The following TTN variants were observed in gnomAD, a reference collection of about 807,000 sequenced individuals.
TTN encodes connectin.
In TTN, 1,525 loss-of-function variants were observed where a neutral mutation model predicts 3,223.0. The ratio of observed to expected loss-of-function variants is 0.47; its 90% CI spans 0.45 to 0.49. TTN has a LOEUF of 0.49. TTN is among the 20% of genes least tolerant of loss of function. The pLI is 0.00. For missense variants in TTN, 40,786 were observed against 43,424.0 expected (o/e 0.94, Z 5.40); for synonymous variants, 14,094 against 15,161.0 (o/e 0.93, Z 5.17).
rs1413235901 is a variant in TTN, at chr2:178,611,102, A to G, written c.51027T>C (p.Ser17009=). 6.2e-7 allele frequency: 1 copy of G among 1,612,880 alleles called. No homozygotes were observed. The highest frequency in any genetic ancestry group is 8.5e-7 in the Non-Finnish European group (1 of 1,179,236). ...DRLTMKNDHI[S]AHLEVPKSVR... ...CACTCTTGGGAACTTCAAGGTGTGCAGAGATGTGATCATTCTTCATTGTTA... is the reference window on the plus strand; with the variant it reads ...CACTCTTGGGAACTTCAAGGTGTGCGGAGATGTGATCATTCTTCATTGTTA... Residue 17009 remains serine (S), a synonymous_variant, in exon 270 of 363, where the codon TCT becomes TCC. Coordinates refer to ENST00000589042, the MANE Select transcript of TTN (RefSeq NM_001267550.2).
chr2:178,802,032 A>T, intron 3 of TTN, 106 bp downstream of exon 3: 1 of 1,375,182 alleles, frequency 7.3e-7, no homozygotes, highest in Non-Finnish European at 1.0e-6. Flanking sequence ...TCTGTAGTTT[A>T]AGAGCTGCAT....
At chr2:178,708,993 T>A (rs1181277586) in intron 99 of TTN, among the ~76,000 whole-genome samples, 2 of 152,220 alleles carry the variant, frequency 1.3e-5, no homozygotes, top group African/African-American at 4.8e-5. Flanking sequence ...ATTGTGTATT[T>A]AAATATGTCT....
chr2:178,527,299 G>A lies in TTN; in HGVS notation c.107689C>T (p.Pro35897Ser), dbSNP rs1270719592. The A allele has an allele frequency of 1.3e-6, 2 of 1,591,624 alleles. No individual in the cohort carries two copies. The highest frequency in any genetic ancestry group is 4.5e-5 in the East Asian group (2 of 44,564). ...MLKAGIRGIP[P>S]KIEALPSDIS... ...TCAGATGGAAGAGCTTCAATTTTAGGCGGAATTCCTTTATGGAACAATGAC... is the reference window on the plus strand; with the variant it reads ...TCAGATGGAAGAGCTTCAATTTTAGACGGAATTCCTTTATGGAACAATGAC... The change falls in exon 363 of 363, where the codon CCT becomes TCT. Residue 35897 changes from proline to serine, a missense_variant. Pro to Ser is a moderately conservative substitution (Grantham distance 74). Coordinates refer to ENST00000589042, the MANE Select transcript of TTN (RefSeq NM_001267550.2).
At position 178,561,685 on chromosome 2, in the gene TTN, C is replaced by T. The variant is rs1260607694; in HGVS notation, c.84447G>A (p.Glu28149=). The change falls in exon 326 of 363, where the codon GAG becomes GAA. Residue 28149 remains glutamate, a synonymous_variant. Coordinates refer to ENST00000589042, the MANE Select transcript of TTN (RefSeq NM_001267550.2). ...GAGGACCTGGGGGACTGAATGGATA[C>T]TCTGCAACAACAGCTGAAGATTCAC... The part of the protein sequence containing the change: ...SYSESSAVVA[E]YPFSPPGPPG... The T allele has an allele frequency of 1.2e-6, 2 of 1,607,188 alleles. No individual in the cohort carries two copies. The highest frequency in any genetic ancestry group is 1.7e-6 in the Non-Finnish European group (2 of 1,175,714).
chr2:178,779,972 T>G (rs753453676), intron 22 of TTN, 28 bp downstream of exon 22: 79 of 1,597,104 alleles, frequency 4.9e-5, no homozygotes, highest in South Asian at 6.7e-5. Context: ...TATGAAATTG[T>G]TTGGTTGGTC....
rs1298535121 is a variant in TTN, at chr2:178,587,522, C to T, written c.63787G>A (p.Val21263Ile). 1.2e-6 allele frequency: 2 copies of T among 1,609,160 alleles called. No homozygotes were observed. The highest frequency in any genetic ancestry group is 1.1e-5 in the South Asian group (1 of 90,580). ...GEKAVFVNVR[V>I]LDTPGPVSDL... The stretch of plus-strand genomic sequence containing the variant: ...AAGCATTTTAGTAACCCACCTAATA[C>T]TCTGACATTTACGAATACAGCCTTT... Residue 21263 changes from valine (V) to isoleucine (I), a missense_variant, in exon 306 of 363, where the codon GTA (valine) becomes ATA (isoleucine). Coordinates refer to ENST00000589042, the MANE Select transcript of TTN (RefSeq NM_001267550.2).
At position 178,652,471 on chromosome 2, in the gene TTN, G is replaced by C. The variant is rs1342916323; in HGVS notation, c.39114C>G (p.Val13038=). ...VPAAPPKKPE[V]TPVKVPEAPK... ...AGTGACAAATACCTTTAACAGGTGT[G>C]ACTTCAGGCTTTTTAGGAGGAGCCG... Residue 13038 remains valine, a synonymous_variant, in exon 202 of 363, where the codon GTC becomes GTG. Transcript: ENST00000589042. 6.2e-7 allele frequency: 1 copy of C among 1,612,080 alleles called. No individual in the cohort carries two copies. The highest frequency in any genetic ancestry group is 8.5e-7 in the Non-Finnish European group (1 of 1,179,158).
In TTN at chr2:178,578,047, A is replaced by G. The variant is rs770040120; in HGVS notation, c.68468T>C (p.Leu22823Ser). 6.2e-7 allele frequency: 1 copy of G among 1,613,254 alleles called. No individual in the cohort carries two copies. The highest frequency in any genetic ancestry group is 8.5e-7 in the Non-Finnish European group (1 of 1,179,488). The change falls in exon 322 of 363, where the codon TTA becomes TCA. Residue 22823 changes from leucine to serine, a missense_variant. Leu to Ser is a moderately radical substitution (Grantham distance 145). Transcript: ENST00000589042. ...TAGGCTTGGCTTGCCCACACCTGCT[A>G]AATTGATTGCCATAACTCGGAATTC... is the stretch of plus-strand genomic sequence containing the variant. ...EYEFRVMAINLAGVGKPSLPS... is the reference protein window; with the variant it reads ...EYEFRVMAINSAGVGKPSLPS...
At chr2:178,690,130 T>C (rs921759829) in intron 121 of TTN, among the ~76,000 whole-genome samples, 13 of 152,210 alleles carry the variant, frequency 8.5e-5, no homozygotes, top group African/African-American at 2.4e-5. Context: ...GTAACAAAGT[T>C]GTGCACAGAA....
At chr2:178,734,145 C>T (rs1353667845) in intron 52 of TTN, among the ~76,000 whole-genome samples, 183 bp downstream of exon 52, 3 of 151,824 alleles carry the variant, frequency 2.0e-5, no homozygotes, top group Non-Finnish European at 4.4e-5. Context: ...TAGATATTTA[C>T]ACTAGTCTCG....
intron 209 of TTN, 133 bp from the exon 210 acceptor site, chr2:178,650,404 G>T: frequency 1.1e-6 from 1 of 941,446 alleles, no homozygotes; most frequent in Non-Finnish European, 1.6e-6. Flanking sequence ...TTTTTGTTTA[G>T]ATAAAATCTA....
chr2:178,683,972 T>A, intron 133 of TTN, 27 bp downstream of exon 133: 1 of 1,523,028 alleles, frequency 6.6e-7, no homozygotes, highest in Middle Eastern at 1.8e-4. Flanking sequence ...ATTTTGATTT[T>A]TTTTTTTTTT....
chr2:178,616,336 G>A lies in TTN; in HGVS notation c.48312+143C>T, dbSNP rs72677239. On this transcript the variant is annotated intron_variant, in intron 257 of 362. Transcript: ENST00000589042. ...TACCTCAGGAAGCATTAGCACCGAT[G>A]CATTCTTAAAAAGTTTTTGTACATT... 154 of 1,042,670 alleles carry A rather than the reference G, an allele frequency of 1.5e-4. No individual in the cohort carries two copies. The African/African-American group carries it at 2.2e-3, about 15-fold the overall frequency. The allele number at this position is 1,042,670 out of a possible 1,614,324, so 64.6% of individuals were successfully genotyped here. A position where few individuals can be genotyped will look rare whatever the true frequency, so the allele number is the denominator to read the frequency against.
At position 178,795,247 on chromosome 2, in the gene TTN, A is replaced by G; in HGVS notation, c.920T>C (p.Val307Ala). 6.2e-7 allele frequency: 1 copy of G among 1,614,134 alleles called. No homozygotes were observed. Among genetic ancestry groups the G allele is most frequent in the Non-Finnish European group, 8.5e-7 (1 of 1,179,994 alleles). ...RAPTPSPVRSVSPAARISTSP... is the reference protein window; with the variant it reads ...RAPTPSPVRSASPAARISTSP... ...TGTGGAGATTCTTGCTGCTGGAGAC[A>G]CGGACCTGAAAACCAAAAGGCAGAG... Residue 307 changes from valine (V) to alanine (A), a missense_variant, in exon 7 of 363, where the codon GTG (valine) becomes GCG (alanine). Coordinates refer to ENST00000589042, the MANE Select transcript of TTN (RefSeq NM_001267550.2).
chr2:178,580,463 T>A lies in TTN; in HGVS notation c.66916A>T (p.Ile22306Phe). Residue 22306 changes from isoleucine to phenylalanine, a missense_variant, in exon 317 of 363, where the codon ATT becomes TTT. Ile to Phe is a conservative substitution (Grantham distance 21, BLOSUM62 0). Transcript: ENST00000589042. ...TCAGTTGACTTTATGTCCAGTCCAA[T>A]CCTGTCTCTTAGATTGACATTTGGT... ...SKPNVNLRDR[I>F]GLDIKSTDFD... 1 of 1,613,134 alleles carries A rather than the reference T, an allele frequency of 6.2e-7. No homozygotes were observed. Among genetic ancestry groups the A allele is most frequent in the Non-Finnish European group, 8.5e-7 (1 of 1,179,426 alleles).
Position 178,621,744 on chromosome 2 carries a change from G to T in TTN, c.45083-3C>A. ...TTTGGTAAAGACAGCTTCTTCTTCTGCAAGCATTGAAAAAACAAAAACCAC... is the reference window on the plus strand; with the variant it reads ...TTTGGTAAAGACAGCTTCTTCTTCTTCAAGCATTGAAAAAACAAAAACCAC... On this transcript the variant is annotated splice_region_variant and splice_polypyrimidine_tract_variant and intron_variant, in intron 244 of 362. Coordinates refer to ENST00000589042, the MANE Select transcript of TTN (RefSeq NM_001267550.2). The T allele has an allele frequency of 6.2e-7, 1 of 1,609,624 alleles. No individual in the cohort carries two copies. The highest frequency in any genetic ancestry group is 8.5e-7 in the Non-Finnish European group (1 of 1,178,248).
At chr2:178,698,531 A>T (rs2074137104) in intron 112 of TTN, among the ~76,000 whole-genome samples, 1 of 152,172 alleles carries the variant, frequency 6.6e-6, no homozygotes, top group Non-Finnish European at 1.5e-5. Flanking sequence ...CAATAAAATA[A>T]AAAAGAAAAA....
intron 22 of TTN, 107 bp downstream of exon 22, chr2:178,779,892 TA>T: frequency 9.0e-7 from 1 of 1,107,190 alleles, no homozygotes; most frequent in Non-Finnish European, 1.3e-6. Context: ...TTGGACCTTC[TA>T]ATAGCTGTCT....
Position 178,636,748 on chromosome 2 carries a change from C to A in TTN, c.40979G>T (p.Arg13660Met), listed in dbSNP as rs2060484137. The A allele has an allele frequency of 6.2e-7, 1 of 1,610,140 alleles. No homozygotes were observed. The change falls in exon 225 of 363, where the codon AGG becomes ATG. Residue 13660 changes from arginine (R) to methionine (M), a missense_variant. Coordinates refer to ENST00000589042, the MANE Select transcript of TTN (RefSeq NM_001267550.2). This position sits in a 1 kb window ranked among gnomAD's most constrained non-coding sequence, Gnocchi z 4.3. ...SPIEAERRKL[R>M]PGSGGEKPPD... The stretch of plus-strand genomic sequence containing the variant: ...AGGTTTCTCTCCACCACTTCCTGGC[C>A]TTAACTTTCTCCTTTCGGCTTCTAT...
Sources: allele counts gnomAD v4.1 joint callset (sites outside exome capture counted in the v4.1 genomes callset), GRCh38; gene constraint gnomAD v4.1.1; non-coding constraint Gnocchi (gnomAD v3.1); transcripts MANE v1.5; gene names NCBI Gene and HGNC (gene_info 2026-07-23, HGNC 2026-07-21).